Variants in VPS26B observed in about 807,000 individuals in gnomAD.
VPS26B encodes vacuolar protein sorting-associated protein 26B.
A neutral mutation model predicts 33.3 loss-of-function variants in VPS26B; 10 were observed. The observed-to-expected ratio is 0.30, with a 90% CI of 0.19 to 0.51. VPS26B has a LOEUF of 0.51. Ranked by LOEUF, VPS26B falls within the 20% of genes least tolerant of loss-of-function variation. The probability of loss-of-function intolerance (pLI) is 0.98; values close to 1 mark genes in which losing one functional copy is unlikely to be tolerated. For synonymous variants in VPS26B, 190 were observed against 176.9 expected (o/e 1.07, Z -0.59); for missense variants, 317 against 452.7 (o/e 0.70, Z 2.72).
intron 1 of VPS26B, among the ~76,000 whole-genome samples, chr11:134,232,960 C>G (rs1591878564): frequency 1.3e-5 from 2 of 152,236 alleles, no homozygotes; most frequent in East Asian, 3.9e-4. Flanking sequence ...TCATATACTT[C>G]TGACTTTTAT....
At position 134,224,980 on chromosome 11, in the gene VPS26B, C is replaced by T. The variant is rs4937869; in HGVS notation, c.-143C>T. 119,245 of 607,696 alleles carry T rather than the reference C, an allele frequency of 0.2. 12,812 individuals carry two copies. Among genetic ancestry groups the T allele is most frequent in the South Asian group, 0.37 (4,940 of 13,352 alleles). 37.6% of individuals were successfully genotyped at this position (607,696 alleles called of 1,614,324 possible). A position where few individuals can be genotyped will look rare whatever the true frequency, so the allele number is the denominator to read the frequency against. The stretch of plus-strand genomic sequence containing the variant: ...CGGCTGTCCGTCGGCGCCCACTGCC[C>T]GGCGGCAGCGGCGGAGCCAGGCAGC... On this transcript the variant is annotated 5_prime_UTR_variant, in exon 1 of 6. Coordinates refer to ENST00000281187, the MANE Select transcript of VPS26B (RefSeq NM_052875.5).
chr11:134,225,466 C>G, intron 1 of VPS26B, 121 bp downstream of exon 1: 1 of 1,004,296 alleles, frequency 1.0e-6, no homozygotes, highest in Non-Finnish European at 1.5e-6. Flanking sequence ...CAGTCTGAGG[C>G]CTGGGGTTCA....
In VPS26B at chr11:134,244,874, G is replaced by A; in HGVS notation, c.722-64G>A. ...GTGGCATCTCTGCAGTGGTCAGAGT[G>A]ACCTGGTATAAGGGAGAGGGCATCA... On this transcript the variant is annotated intron_variant, in intron 4 of 5. Transcript: ENST00000281187. This position sits in a 1 kb window ranked among gnomAD's most constrained non-coding sequence, Gnocchi z 4.0. 1.3e-6 allele frequency: 2 copies of A among 1,570,230 alleles called. No individual in the cohort carries two copies. The highest frequency in any genetic ancestry group is 2.3e-5 in the South Asian group (2 of 85,290).
Position 134,245,617 on chromosome 11 carries a change from C to A in VPS26B, c.*27C>A. ...CCCCCAGGGCCGAGAAGATGCTGGGCACCCACCCAGCACCCCCATCTACCA... is the reference window on the plus strand; with the variant it reads ...CCCCCAGGGCCGAGAAGATGCTGGGAACCCACCCAGCACCCCCATCTACCA... On this transcript the variant is annotated 3_prime_UTR_variant, in exon 6 of 6. Transcript: ENST00000281187. The surrounding 1 kb of genome is among the most constrained non-coding windows in gnomAD (Gnocchi z 4.7). 1 of 1,585,492 alleles carries A rather than the reference C, an allele frequency of 6.3e-7. No individual in the cohort carries two copies. Among genetic ancestry groups the A allele is most frequent in the South Asian group, 1.1e-5 (1 of 89,198 alleles).
chr11:134,238,344 G>C (rs1938665413), intron 2 of VPS26B, among the ~76,000 whole-genome samples: 1 of 152,148 alleles, frequency 6.6e-6, no homozygotes, highest in South Asian at 2.1e-4. Context: ...GGAGCACATT[G>C]TAAGTCTTGA....
chr11:134,225,935 A>G (rs936720700), intron 1 of VPS26B, among the ~76,000 whole-genome samples: 2 of 152,202 alleles, frequency 1.3e-5, no homozygotes, highest in East Asian at 1.9e-4. Context: ...AAGAAGACCC[A>G]TAATCTTCAG....
Position 134,238,740 on chromosome 11 carries a change from C to T in VPS26B, c.381-1251C>T, listed in dbSNP as rs552798612. On this transcript the variant is annotated intron_variant, in intron 2 of 5. Coordinates refer to ENST00000281187, the MANE Select transcript of VPS26B (RefSeq NM_052875.5). Reference sequence around the variant, plus strand: ...CCTCCCGAGTAGCTGGGACTACAGGCGCCCGCCACCACGCCCGGCTAATTT... The same window carrying T: ...CCTCCCGAGTAGCTGGGACTACAGGTGCCCGCCACCACGCCCGGCTAATTT... 9.9e-4 allele frequency among the ~76,000 whole-genome samples: 150 copies of T among 152,072 alleles called. 3 individuals carry two copies. The South Asian group carries it at 0.02, about 21-fold the overall frequency.
At chr11:134,229,467 A>C (rs1482116618) in intron 1 of VPS26B, among the ~76,000 whole-genome samples, 2 of 152,018 alleles carry the variant, frequency 1.3e-5, no homozygotes, top group Non-Finnish European at 2.9e-5. Flanking sequence ...TGCAAACACA[A>C]ACCCCTCTCT....
chr11:134,226,366 A>G (rs79358130), intron 1 of VPS26B, among the ~76,000 whole-genome samples: 3,631 of 152,210 alleles, frequency 0.024, 127 homozygotes, highest in African/African-American at 0.08. Context: ...TGATAACACC[A>G]CAGCACTCCA....
rs558192310 is a variant in VPS26B at position 134,240,596 on chromosome 11, C to T, written c.545+441C>T. ...TTGGCCATGATTTGCTGCTTCCTCC[C>T]TGAACTAAAATGAATTATAGCAAAG... On this transcript the variant is annotated intron_variant, in intron 3 of 5. Transcript: ENST00000281187. This position sits in a 1 kb window ranked among gnomAD's most constrained non-coding sequence, Gnocchi z 4.4. Among the ~76,000 whole-genome samples the T allele has an allele frequency of 2.0e-5, 3 of 152,230 alleles. No homozygotes were observed. Among genetic ancestry groups the T allele is most frequent in the South Asian group, 4.2e-4 (2 of 4,818 alleles).
At chr11:134,242,166 G>A (rs994538359) in intron 3 of VPS26B, among the ~76,000 whole-genome samples, 11 of 152,144 alleles carry the variant, frequency 7.2e-5, no homozygotes, top group South Asian at 6.2e-4. Flanking sequence ...GTAAGATGGC[G>A]CAGGTGGTCT....
intron 1 of VPS26B, among the ~76,000 whole-genome samples, chr11:134,233,513 G>A (rs1938587073): frequency 6.6e-6 from 1 of 152,240 alleles, no homozygotes; most frequent in African/African-American, 2.4e-5. Flanking sequence ...CACGAGGTCA[G>A]GAGATCGAGA....
At chr11:134,230,732 C>T (rs1938544536) in intron 1 of VPS26B, among the ~76,000 whole-genome samples, 1 of 152,252 alleles carries the variant, frequency 6.6e-6, no homozygotes, top group African/African-American at 2.4e-5. Context: ...TGGTCCTGCA[C>T]CACTGCTCAG....
chr11:134,231,862 C>T (rs371463910), intron 1 of VPS26B, among the ~76,000 whole-genome samples: 2 of 152,342 alleles, frequency 1.3e-5, no homozygotes, highest in African/African-American at 4.8e-5. Context: ...TACGCCTGGC[C>T]TTTGGAGGTC....
intron 1 of VPS26B, among the ~76,000 whole-genome samples, chr11:134,226,404 T>C (rs1938472813): frequency 6.6e-6 from 1 of 152,090 alleles, no homozygotes; most frequent in Non-Finnish European, 1.5e-5. Context: ...CAAGACCCTG[T>C]CTCAAAAAAA....
At chr11:134,239,968 C>G in intron 2 of VPS26B, 23 bp from the exon 3 acceptor site, 1 of 1,613,960 alleles carries the variant, frequency 6.2e-7, no homozygotes, top group Non-Finnish European at 8.5e-7. Flanking sequence ...AGTGTTTATT[C>G]ATGACAGTTC....
intron 4 of VPS26B, chr11:134,243,748 C>T (rs1484906128): frequency 6.5e-6 from 1 of 154,854 alleles, no homozygotes. Context: ...AAGAGCACTA[C>T]TAGATACTTC....
chr11:134,243,207 C>T lies in VPS26B; in HGVS notation c.634C>T (p.Arg212Ter), dbSNP rs1938760590. ...GCACATGGAGATAGACATCATCAAG[C>T]GAGAAACGACGGGTACAGGCCCCAA... Reference protein sequence around the residue: ...IKHMEIDIIKRETTGTGPNVY... With the variant: ...IKHMEIDIIK Residue 212 changes from arginine (R) to a stop codon, truncating the protein, a stop_gained, in exon 4 of 6, where the codon CGA becomes TGA. Transcript: ENST00000281187. LOFTEE classifies it high-confidence loss of function. 3 of 1,614,026 alleles carry T rather than the reference C, an allele frequency of 1.9e-6. No homozygotes were observed. The highest frequency in any genetic ancestry group is 1.3e-5 in the African/African-American group (1 of 74,910).
In VPS26B at chr11:134,244,543, G is replaced by C. The variant is rs567886673; in HGVS notation, c.722-395G>C. On this transcript the variant is annotated intron_variant, in intron 4 of 5. Transcript: ENST00000281187. This position sits in a 1 kb window ranked among gnomAD's most constrained non-coding sequence, Gnocchi z 4.0. ...CAAGAGGGAGGATGTATTTTGGGGG[G>C]CATACACTGAGGATGGAGAAAGATG... 1 of 166,630 alleles carries C rather than the reference G, an allele frequency of 6.0e-6. No homozygotes were observed. The highest frequency in any genetic ancestry group is 2.4e-5 in the African/African-American group (1 of 41,946). The allele number at this position is 166,630 out of a possible 1,614,324, so 10.3% of individuals were successfully genotyped here.
Sources: gnomAD v4.1 joint callset for allele counts (sites outside exome capture counted in the v4.1 genomes callset) on GRCh38, gnomAD v4.1.1 for gene constraint, Gnocchi (gnomAD v3.1) non-coding constraint, MANE v1.5 for transcripts, NCBI Gene and HGNC (gene_info 2026-07-23, HGNC 2026-07-21) for gene names.